Variants in VIT observed in about 807,000 individuals in gnomAD.
VIT encodes vitrin.
A neutral mutation model predicts 78.0 loss-of-function variants in VIT; 99 were observed. The ratio of observed to expected loss-of-function variants is 1.27; its 90% CI spans 1.08 to 1.50. VIT has a LOEUF of 1.50. VIT is among the 40% of genes most tolerant of loss of function. The probability of loss-of-function intolerance (pLI) is 0.00; values close to 1 mark genes in which losing one functional copy is unlikely to be tolerated. For synonymous variants in VIT, 374 were observed against 334.3 expected (o/e 1.12, Z -1.29); for missense variants, 1,126 against 875.3 (o/e 1.29, Z -3.61).
chr2:36,714,082 T>A (rs1665976653), intron 1 of VIT, among the ~76,000 whole-genome samples: 1 of 152,218 alleles, frequency 6.6e-6, no homozygotes, highest in Non-Finnish European at 1.5e-5. Flanking sequence ...AATTGGGAAA[T>A]TTAACACATT....
intron 9 of VIT, among the ~76,000 whole-genome samples, chr2:36,779,804 G>C (rs1664616631): frequency 6.6e-6 from 1 of 152,116 alleles, no homozygotes; most frequent in Non-Finnish European, 1.5e-5. Context: ...TAATTCCCTG[G>C]TTTTCTAAGA....
chr2:36,785,468 A>C (rs930767523), intron 11 of VIT, among the ~76,000 whole-genome samples: 1 of 152,184 alleles, frequency 6.6e-6, no homozygotes, highest in Non-Finnish European at 1.5e-5. Flanking sequence ...TGAGAATCAC[A>C]TGCTGCTTCT....
chr2:36,766,975 C>A (rs559588277), intron 6 of VIT, 119 bp from the exon 7 acceptor site: 2 of 1,174,706 alleles, frequency 1.7e-6, no homozygotes, highest in African/African-American at 1.6e-5. Flanking sequence ...CACCCTTCAC[C>A]GTGGCTAGCA....
chr2:36,698,686 G>A (rs1664824409), intron 1 of VIT, among the ~76,000 whole-genome samples: 1 of 152,166 alleles, frequency 6.6e-6, no homozygotes, highest in South Asian at 2.1e-4. Context: ...GCTCACACCT[G>A]TAATCCCAGC....
At chr2:36,812,321 G>T (rs953010992) in intron 15 of VIT, among the ~76,000 whole-genome samples, 7 of 152,148 alleles carry the variant, frequency 4.6e-5, no homozygotes, top group African/African-American at 1.4e-4. Context: ...CTCGGGGGGA[G>T]GTGCCAGGGC....
intron 9 of VIT, among the ~76,000 whole-genome samples, chr2:36,779,638 C>T (rs1049776253): frequency 2.0e-5 from 3 of 152,172 alleles, no homozygotes; most frequent in African/African-American, 7.2e-5. Context: ...TCCCAACCCT[C>T]CAACAGGCCC....
intron 3 of VIT, among the ~76,000 whole-genome samples, chr2:36,742,800 C>G (rs1667913771): frequency 6.6e-6 from 1 of 152,212 alleles, no homozygotes; most frequent in Admixed American, 6.5e-5. Flanking sequence ...TTTCTGGCCA[C>G]TGGAGGTGGG....
intron 1 of VIT, among the ~76,000 whole-genome samples, chr2:36,714,126 T>C (rs1665980584): frequency 6.6e-6 from 1 of 152,202 alleles, no homozygotes; most frequent in South Asian, 2.1e-4. Context: ...AAGTGATCAG[T>C]TCTGTTTGGG....
At chr2:36,773,478 C>G (rs1485472035) in intron 7 of VIT, among the ~76,000 whole-genome samples, 1 of 152,096 alleles carries the variant, frequency 6.6e-6, no homozygotes, top group African/African-American at 2.4e-5. Context: ...GGTGTGGTGG[C>G]TCATGCCTTG....
At chr2:36,762,288 T>G (rs191514235) in intron 6 of VIT, among the ~76,000 whole-genome samples, 1 of 152,286 alleles carries the variant, frequency 6.6e-6, no homozygotes, top group East Asian at 1.9e-4. Context: ...CACTTGCCCC[T>G]TTACCAAACC....
At chr2:36,791,574 G>C (rs1048174039) in intron 12 of VIT, among the ~76,000 whole-genome samples, 1 of 152,194 alleles carries the variant, frequency 6.6e-6, no homozygotes, top group African/African-American at 2.4e-5. Flanking sequence ...TAGAAGTGGA[G>C]AAGCTTTCCC....
intron 1 of VIT, among the ~76,000 whole-genome samples, chr2:36,707,944 A>G (rs1558502937): frequency 6.6e-6 from 1 of 151,198 alleles, no homozygotes. Context: ...CCCCTCTGGC[A>G]CTCTCTCTCT....
At chr2:36,706,035 C>T (rs1210850478) in intron 1 of VIT, among the ~76,000 whole-genome samples, 24 of 152,220 alleles carry the variant, frequency 1.6e-4, no homozygotes. Context: ...TTGTGAACTA[C>T]TGTCATAAAT....
chr2:36,808,600 G>C lies in VIT; in HGVS notation c.1518G>C (p.Leu506Phe), dbSNP rs1205143092. The change falls in exon 15 of 16, where the codon TTG (leucine) becomes TTC (phenylalanine). Residue 506 changes from leucine (L) to phenylalanine (F), a missense_variant. Leu to Phe is a conservative substitution (Grantham distance 22). Transcript: ENST00000379242. ...GCCTGGCCTGCAGCAAGACCTGCTT[G>C]AACTCGGCTGACATTGGCTTCGTCA... is the stretch of plus-strand genomic sequence containing the variant. ...TDRLACSKTC[L>F]NSADIGFVID... 2.5e-6 allele frequency: 4 copies of C among 1,614,076 alleles called. No homozygotes were observed. The East Asian group carries it at 6.7e-5, about 27-fold the overall frequency.
chr2:36,752,787 A>G (rs1668541575), intron 4 of VIT, among the ~76,000 whole-genome samples: 1 of 152,234 alleles, frequency 6.6e-6, no homozygotes, highest in Admixed American at 6.5e-5. Flanking sequence ...ACCATTGTGG[A>G]AAACAGTGTG....
chr2:36,776,599 G>A (rs769805023), intron 9 of VIT, among the ~76,000 whole-genome samples: 5 of 152,104 alleles, frequency 3.3e-5, no homozygotes, highest in African/African-American at 4.8e-5. Context: ...TCAAGAGTTC[G>A]AGACGAGTTT....
chr2:36,768,856 T>C (rs1028139477), intron 7 of VIT, among the ~76,000 whole-genome samples: 1 of 152,240 alleles, frequency 6.6e-6, no homozygotes, highest in African/African-American at 2.4e-5. Context: ...GTATACTGCA[T>C]GTATTATCTT....
intron 4 of VIT, 85 bp downstream of exon 4, chr2:36,743,341 A>C: frequency 1.5e-6 from 2 of 1,356,780 alleles, no homozygotes; most frequent in Non-Finnish European, 2.0e-6. Context: ...ATATTTAGCA[A>C]GCAAAAATAT....
intron 2 of VIT, among the ~76,000 whole-genome samples, chr2:36,727,742 A>T (rs1479351286): frequency 1.3e-5 from 2 of 152,142 alleles, no homozygotes; most frequent in African/African-American, 4.8e-5. Flanking sequence ...AAAAATTCCT[A>T]TTGCCTAGTG....
Sources: gnomAD v4.1 joint callset for allele counts (sites outside exome capture counted in the v4.1 genomes callset) on GRCh38, gnomAD v4.1.1 for gene constraint, MANE v1.5 for transcripts, NCBI Gene and HGNC (gene_info 2026-07-23, HGNC 2026-07-21) for gene names.